The following MAN1A1 variants were observed in gnomAD, a reference collection of about 807,000 sequenced individuals.
MAN1A1 encodes mannosyl-oligosaccharide 1,2-alpha-mannosidase IA.
Under a neutral mutation model 70.8 loss-of-function variants are expected in MAN1A1, and 29 were observed. The observed-to-expected ratio is 0.41, with a 90% confidence interval of 0.31 to 0.56. The LOEUF (loss-of-function observed/expected upper bound fraction) is 0.56, where lower values mean the gene tolerates loss of function less well. Ranked by LOEUF, MAN1A1 falls within the 20% of genes least tolerant of loss-of-function variation. The pLI is 0.29. For missense variants in MAN1A1, 747 were observed against 841.3 expected (o/e 0.89, Z 1.39); for synonymous variants, 349 against 330.1 (o/e 1.06, Z -0.62).
At chr6:119,218,570 A>C (rs559673782) in intron 6 of MAN1A1, among the ~76,000 whole-genome samples, 4 of 151,916 alleles carry the variant, frequency 2.6e-5, no homozygotes, top group South Asian at 2.1e-4. Flanking sequence ...AAAAAAAAAA[A>C]CACAAAAAAC....
At chr6:119,307,044 T>C (rs568040322) in intron 2 of MAN1A1, 52 bp from the exon 3 acceptor site, 1 of 1,237,314 alleles carries the variant, frequency 8.1e-7, no homozygotes, top group East Asian at 2.3e-5. Context: ...ATGTTTTTGC[T>C]ACAAAATAGG....
chr6:119,186,145 T>C (rs1456990428), intron 11 of MAN1A1, among the ~76,000 whole-genome samples: 1 of 152,106 alleles, frequency 6.6e-6, no homozygotes, highest in East Asian at 1.9e-4. Context: ...AATAAATAAC[T>C]TTCTAACACC....
At chr6:119,333,895 G>A (rs895596874) in intron 2 of MAN1A1, among the ~76,000 whole-genome samples, 10 of 152,104 alleles carry the variant, frequency 6.6e-5, no homozygotes, top group African/African-American at 2.4e-4. Context: ...ACAGGTGGGT[G>A]GAGAACTACA....
chr6:119,329,396 T>G (rs997577169), intron 2 of MAN1A1, among the ~76,000 whole-genome samples: 1 of 152,166 alleles, frequency 6.6e-6, no homozygotes, highest in African/African-American at 2.4e-5. Context: ...ACATTTGTAA[T>G]TCCAGGTTCT....
At chr6:119,224,290 CCTGAATCCATGCTCTA>C (rs1349247334) in intron 6 of MAN1A1, among the ~76,000 whole-genome samples, 2 of 152,218 alleles carry the variant, frequency 1.3e-5, no homozygotes, top group Non-Finnish European at 2.9e-5. Context: ...ACTGAGTACT[CCTGAATCCATGCTCTA>C]CTCAGGATAC....
At chr6:119,296,624 T>C (rs957015647) in intron 4 of MAN1A1, among the ~76,000 whole-genome samples, 1 of 151,918 alleles carries the variant, frequency 6.6e-6, no homozygotes, top group Non-Finnish European at 1.5e-5. Flanking sequence ...TCAACATATA[T>C]CCTCCTGACA....
chr6:119,222,310 CT>C lies in MAN1A1; in HGVS notation c.993-17429del, dbSNP rs1253221859. ...TTGTTGTTATTATAGTATCTTTCATCTTTTTTTTTTTAAGGATTTTTTTTTT... is the reference window on the plus strand; with the variant it reads ...TTGTTGTTATTATAGTATCTTTCATCTTTTTTTTTTAAGGATTTTTTTTTT... On this transcript the variant is annotated intron_variant, in intron 6 of 12. Transcript: ENST00000368468. Among the ~76,000 whole-genome samples, 563 of 127,944 alleles carry C rather than the reference CT, an allele frequency of 4.4e-3. 5 individuals carry two copies. The highest frequency in any genetic ancestry group is 0.014 in the African/African-American group (476 of 35,066). The allele number at this position is 127,944 out of a possible 152,430, so 83.9% of individuals were successfully genotyped here.
At chr6:119,256,739 A>T (rs1184772260) in intron 5 of MAN1A1, among the ~76,000 whole-genome samples, 2 of 152,174 alleles carry the variant, frequency 1.3e-5, no homozygotes, top group Non-Finnish European at 2.9e-5. Context: ...TCACTGTTCC[A>T]ATTTTCTCTT....
intron 4 of MAN1A1, among the ~76,000 whole-genome samples, chr6:119,301,036 G>A (rs771901905): frequency 3.9e-5 from 6 of 152,208 alleles, no homozygotes; most frequent in Non-Finnish European, 8.8e-5. Flanking sequence ...CCACAAAGCA[G>A]AGGCAACAGC....
chr6:119,249,333 A>C (rs1223688961), intron 5 of MAN1A1, among the ~76,000 whole-genome samples: 1 of 152,190 alleles, frequency 6.6e-6, no homozygotes, highest in East Asian at 1.9e-4. Flanking sequence ...AAAAATAATG[A>C]AAGTCTAGTG....
At chr6:119,333,525 G>A (rs1001357052) in intron 2 of MAN1A1, among the ~76,000 whole-genome samples, 1 of 152,208 alleles carries the variant, frequency 6.6e-6, no homozygotes, top group African/African-American at 2.4e-5. Flanking sequence ...CACACTGAAG[G>A]ATGGAAGATG....
chr6:119,329,649 G>C (rs902141877), intron 2 of MAN1A1, among the ~76,000 whole-genome samples: 1 of 152,170 alleles, frequency 6.6e-6, no homozygotes, highest in Non-Finnish European at 1.5e-5. Context: ...TGAGCAGAGG[G>C]GGCCAGCTGC....
intron 5 of MAN1A1, among the ~76,000 whole-genome samples, chr6:119,253,384 A>G (rs1775377439): frequency 6.6e-6 from 1 of 152,234 alleles, no homozygotes; most frequent in Non-Finnish European, 1.5e-5. Context: ...GAAAGGGCCC[A>G]ATTCTCCATG....
chr6:119,197,807 T>G (rs1387926307), intron 8 of MAN1A1, among the ~76,000 whole-genome samples: 3 of 152,010 alleles, frequency 2.0e-5, no homozygotes, highest in African/African-American at 7.2e-5. Context: ...TTTTTGTTTT[T>G]TTTTTCCATC....
intron 4 of MAN1A1, among the ~76,000 whole-genome samples, chr6:119,296,511 A>G (rs552588467): frequency 3.2e-4 from 48 of 152,328 alleles, no homozygotes; most frequent in Middle Eastern, 3.4e-3. Flanking sequence ...CAGGAGCAAC[A>G]CTAAGGCAAA....
At chr6:119,309,220 A>G (rs1156390502) in intron 2 of MAN1A1, among the ~76,000 whole-genome samples, 1 of 152,244 alleles carries the variant, frequency 6.6e-6, no homozygotes, top group East Asian at 1.9e-4. Flanking sequence ...GAAATGATTT[A>G]CCACATTAAA....
intron 2 of MAN1A1, among the ~76,000 whole-genome samples, chr6:119,319,895 T>G (rs11962938): frequency 0.33 from 50,172 of 151,932 alleles, 8,756 homozygotes; most frequent in Non-Finnish European, 0.36. Context: ...TGAAAAAAGG[T>G]GTGGCACATG....
rs917893563 is a variant in MAN1A1 at position 119,178,010 on chromosome 6, A to C, written c.*1809T>G. 6.6e-6 allele frequency: 1 copy of C among 152,126 alleles called. No homozygotes were observed. The highest frequency in any genetic ancestry group is 6.5e-5 in the Admixed American group (1 of 15,274). The allele number at this position is 152,126 out of a possible 1,614,324, so 9.4% of individuals were successfully genotyped here. A position where few individuals can be genotyped will look rare whatever the true frequency, so the allele number is the denominator to read the frequency against. ...GCTCTTGCTATCCATTCATTTCATT[A>C]GGTGAACTGAAGATATGAGTGGGAG... On this transcript the variant is annotated 3_prime_UTR_variant, in exon 13 of 13. Transcript: ENST00000368468.
chr6:119,186,591 C>T lies in MAN1A1; in HGVS notation c.1719+1814G>A, dbSNP rs1276134929. Among the ~76,000 whole-genome samples, 5 of 152,222 alleles carry T rather than the reference C, an allele frequency of 3.3e-5. No individual in the cohort carries two copies. The East Asian group carries it at 9.6e-4, about 29-fold the overall frequency. On this transcript the variant is annotated intron_variant, in intron 11 of 12. Coordinates refer to ENST00000368468, the MANE Select transcript of MAN1A1 (RefSeq NM_005907.4). ...CCAACTCCAAAACCTCCTTGGTTGA[C>T]AGCCATTAACTCCCCAGCACTTCCC... is the stretch of plus-strand genomic sequence containing the variant.
Sources: gnomAD v4.1 joint callset for allele counts (sites outside exome capture counted in the v4.1 genomes callset) on GRCh38, gnomAD v4.1.1 for gene constraint, MANE v1.5 for transcripts, NCBI Gene and HGNC (gene_info 2026-07-23, HGNC 2026-07-21) for gene names.